Variants in ADGRG5 observed in about 807,000 individuals in gnomAD.
ADGRG5 encodes the protein adhesion G protein-coupled receptor G5, also known as G protein-coupled receptor 114.
A neutral mutation model predicts 53.2 loss-of-function variants in ADGRG5; 37 were observed. The ratio of observed to expected loss-of-function variants is 0.70; its 90% CI spans 0.53 to 0.91. The LOEUF (loss-of-function observed/expected upper bound fraction) is 0.91, where lower values mean the gene tolerates loss of function less well. Among genes scored for constraint, ADGRG5 ranks in the 40% least tolerant of loss-of-function variants. ADGRG5 has a pLI of 0.00. For missense variants in ADGRG5, 614 were observed against 675.8 expected, an observed-to-expected ratio of 0.91 and a Z score of 1.01; for synonymous variants, 277 against 290.4, an observed-to-expected ratio of 0.95 and a Z score of 0.47.
intron 9 of ADGRG5, 63 bp from the exon 10 acceptor site, chr16:57,570,355 C>T (rs2033314499): frequency 2.8e-6 from 3 of 1,056,300 alleles, no homozygotes; most frequent in Admixed American, 1.7e-5. Context: ...GCCCCAGGGA[C>T]CGCCCCAGGG....
In ADGRG5 at chr16:57,566,748, C is replaced by T. The variant is rs983864895; in HGVS notation, c.696C>T (p.Leu232=). Residue 232 remains leucine, a synonymous_variant, in exon 7 of 12, where the codon CTC becomes CTT. Transcript: ENST00000349457. The stretch of plus-strand genomic sequence containing the variant: ...ACCACCTCACCTACTTTGCTGTTCT[C>T]ATGGTATGTATGCATCCTGAGTGGG... ...RCNHLTYFAV[L]MQLSPALVPA... The T allele has an allele frequency of 2.0e-6, 3 of 1,533,866 alleles. No homozygotes were observed. The highest frequency in any genetic ancestry group is 2.6e-6 in the Non-Finnish European group (3 of 1,140,696).
intron 1 of ADGRG5, among the ~76,000 whole-genome samples, chr16:57,545,751 C>T (rs147805924): frequency 0.016 from 2,498 of 152,260 alleles, 28 homozygotes; most frequent in Middle Eastern, 0.051. Flanking sequence ...GATATTTGTG[C>T]TGGTTCTAGT....
intron 1 of ADGRG5, among the ~76,000 whole-genome samples, chr16:57,545,434 C>G (rs1469014342): frequency 1.3e-5 from 2 of 152,114 alleles, no homozygotes; most frequent in African/African-American, 4.8e-5. Flanking sequence ...CTCCTATGAT[C>G]CCAGCCCTTT....
the ADGRG5 span, among the ~76,000 whole-genome samples, chr16:57,531,205 T>G: frequency 6.6e-6 from 1 of 151,956 alleles, no homozygotes; most frequent in Non-Finnish European, 1.5e-5. Flanking sequence ...TCATCTTGGT[T>G]AAAATAGAAC....
intron 10 of ADGRG5, among the ~76,000 whole-genome samples, chr16:57,573,952 C>T (rs774979735): frequency 3.3e-5 from 5 of 152,116 alleles, no homozygotes; most frequent in African/African-American, 1.2e-4. Flanking sequence ...CAACTCCTGA[C>T]CTCAAGTGAT....
In ADGRG5 at chr16:57,575,044, T is replaced by G. The variant is rs747898704; in HGVS notation, c.1438T>G (p.Phe480Val). Residue 480 changes from phenylalanine (F) to valine (V), a missense_variant, in exon 11 of 12, where the codon TTC becomes GTC. Phe to Val is a conservative substitution (Grantham distance 50). Coordinates refer to ENST00000349457, the MANE Select transcript of ADGRG5 (RefSeq NM_001304376.3). Reference protein sequence around the residue: ...WALAFFSFGVFLLPQLFLFTI... With the variant: ...WALAFFSFGVVLLPQLFLFTI... ...CTTGGCCTTCTTTTCTTTTGGCGTC[T>G]TCCTGCTGCCCCAGCTGTTCCTCTT... is the stretch of plus-strand genomic sequence containing the variant. The G allele has an allele frequency of 1.2e-6, 2 of 1,614,002 alleles. No homozygotes were observed.
At chr16:57,567,148 C>G (rs998834641) in intron 7 of ADGRG5, among the ~76,000 whole-genome samples, 1 of 152,206 alleles carries the variant, frequency 6.6e-6, no homozygotes, top group Non-Finnish European at 1.5e-5. Flanking sequence ...TCATCCCTGA[C>G]CCAATCGCTA....
At chr16:57,570,882 C>T (rs1311433258) in intron 10 of ADGRG5, among the ~76,000 whole-genome samples, 1 of 152,168 alleles carries the variant, frequency 6.6e-6, no homozygotes, top group South Asian at 2.1e-4. Flanking sequence ...TGTTCCCCTG[C>T]AGACCACCTT....
intron 1 of ADGRG5, among the ~76,000 whole-genome samples, chr16:57,544,798 T>C (rs2032578401): frequency 6.6e-6 from 1 of 152,086 alleles, no homozygotes; most frequent in Admixed American, 6.5e-5. Flanking sequence ...TTTGTTTTGT[T>C]TTGCTTTGGA....
chr16:57,543,883 AATTTCTCTTTCTGGGAAATAG>A (rs1224773671), intron 1 of ADGRG5, among the ~76,000 whole-genome samples: 1 of 152,094 alleles, frequency 6.6e-6, no homozygotes, highest in East Asian at 1.9e-4. Context: ...TTGTTGTTTG[AATTTCTCTTTCTGGGAAATAG>A]ATTTCCTTGG....
chr16:57,575,130 A>C (rs1413299856), intron 11 of ADGRG5, 38 bp downstream of exon 11: 1 of 1,586,106 alleles, frequency 6.3e-7, no homozygotes, highest in East Asian at 2.2e-5. Flanking sequence ...GCTACCTGGC[A>C]GGGGGTGTAT....
chr16:57,544,775 T>TTTTGTTTG (rs1468550122), intron 1 of ADGRG5, among the ~76,000 whole-genome samples: 1 of 152,122 alleles, frequency 6.6e-6, no homozygotes, highest in African/African-American at 2.4e-5. Flanking sequence ...CTTTCTGTTT[T>TTTTGTTTG]TTTGTTTGTT....
intron 4 of ADGRG5, 122 bp downstream of exon 4, chr16:57,563,369 T>C: frequency 1.2e-6 from 1 of 855,808 alleles, no homozygotes; most frequent in Non-Finnish European, 1.9e-6. Flanking sequence ...CAGTCCAGGC[T>C]CTGCCCTAAC....
At chr16:57,568,796 C>T (rs1334885975) in intron 9 of ADGRG5, among the ~76,000 whole-genome samples, 1 of 145,582 alleles carries the variant, frequency 6.9e-6, no homozygotes, top group African/African-American at 2.8e-5. Context: ...ACTACCTCCT[C>T]CACCTCCATC....
At chr16:57,573,093 A>G (rs533676706) in intron 10 of ADGRG5, among the ~76,000 whole-genome samples, 5 of 152,246 alleles carry the variant, frequency 3.3e-5, no homozygotes, top group African/African-American at 1.2e-4. Flanking sequence ...CATAAAGCAC[A>G]TCGTTACTGG....
chr16:57,533,099 C>T, the ADGRG5 span, among the ~76,000 whole-genome samples: 3 of 152,220 alleles, frequency 2.0e-5, no homozygotes, highest in African/African-American at 7.2e-5. Context: ...GGCTTCCAGG[C>T]ACCCATGCTA....
At position 57,574,419 on chromosome 16, in the gene ADGRG5, G is replaced by A. The variant is rs1357338628; in HGVS notation, c.1209-396G>A. On this transcript the variant is annotated intron_variant, in intron 10 of 11. Coordinates refer to ENST00000349457, the MANE Select transcript of ADGRG5 (RefSeq NM_001304376.3). The surrounding 1 kb of genome is among the most constrained non-coding windows in gnomAD (Gnocchi z 4.4). ...GTGGTGACAACCATGTAGTGGGGTG[G>A]AAGGGGAAGTTTCCAGGAAAGAGGG... Among the ~76,000 whole-genome samples, 1 of 152,254 alleles carries A rather than the reference G, an allele frequency of 6.6e-6. No homozygotes were observed. Among genetic ancestry groups the A allele is most frequent in the Non-Finnish European group, 1.5e-5 (1 of 68,046 alleles).
chr16:57,564,253 T>A (rs562293608), intron 5 of ADGRG5, among the ~76,000 whole-genome samples: 1 of 152,032 alleles, frequency 6.6e-6, no homozygotes, highest in Non-Finnish European at 1.5e-5. Context: ...AAGAAGGCAC[T>A]TATTATTCCC....
At chr16:57,545,479 G>A (rs1254870541) in intron 1 of ADGRG5, among the ~76,000 whole-genome samples, 1 of 152,172 alleles carries the variant, frequency 6.6e-6, no homozygotes, top group Non-Finnish European at 1.5e-5. Context: ...TTGAGCCCAG[G>A]TGTTGGAGAC....
Sources: gnomAD v4.1 joint callset for allele counts (sites outside exome capture counted in the v4.1 genomes callset) on GRCh38, gnomAD v4.1.1 for gene constraint, Gnocchi (gnomAD v3.1) non-coding constraint, MANE v1.5 for transcripts, NCBI Gene and HGNC (gene_info 2026-07-23, HGNC 2026-07-21) for gene names.